The following GAS2 variants were observed in gnomAD, a reference collection of about 807,000 sequenced individuals.
The protein encoded by GAS2 is growth arrest-specific protein 2.
In GAS2, 20 loss-of-function variants were observed where a neutral mutation model predicts 37.5. The observed-to-expected ratio is 0.53, with a 90% CI of 0.37 to 0.77. The LOEUF is 0.77. Among genes scored for constraint, GAS2 ranks in the 30% least tolerant of loss-of-function variants. The pLI is 0.00. For synonymous variants in GAS2, 144 were observed against 132.2 expected, an observed-to-expected ratio of 1.09 and a Z score of -0.61; for missense variants, 336 against 373.4, an observed-to-expected ratio of 0.90 and a Z score of 0.82.
intron 7 of GAS2, among the ~76,000 whole-genome samples, chr11:22,758,281 T>C (rs1190500941): frequency 2.0e-5 from 3 of 152,226 alleles, no homozygotes; most frequent in African/African-American, 7.2e-5. Flanking sequence ...AGTGTCTTCA[T>C]TGCAGTTCTT....
chr11:22,726,434 G>A lies in GAS2; in HGVS notation c.409+1G>A, dbSNP rs1349943802. 1 of 1,609,434 alleles carries A rather than the reference G, an allele frequency of 6.2e-7. No individual in the cohort carries two copies. The highest frequency in any genetic ancestry group is 8.5e-7 in the Non-Finnish European group (1 of 1,177,628). ...TGTCTATTTGAATCGGAAGGTTTGG[G>A]TATGTATTAACTTCAGAATTTTAGT... is the stretch of plus-strand genomic sequence containing the variant. On this transcript the variant is annotated splice_donor_variant, in intron 4 of 7. Transcript: ENST00000454584. LOFTEE classifies it high-confidence loss of function.
rs187791977 is a variant in GAS2 at position 22,782,900 on chromosome 11, A to G, written c.723+26947A>G. Among the ~76,000 whole-genome samples the G allele has an allele frequency of 7.9e-5, 12 of 152,036 alleles. No individual in the cohort carries two copies. The East Asian group carries it at 1.9e-3, about 25-fold the overall frequency. On this transcript the variant is annotated intron_variant, in intron 7 of 7. Transcript: ENST00000454584. ...CTTTGCTCTTGTGAATAGTGCTGCAATGAACATACACATGCATGTGTTCCT... is the reference window on the plus strand; with the variant it reads ...CTTTGCTCTTGTGAATAGTGCTGCAGTGAACATACACATGCATGTGTTCCT...
intron 1 of GAS2, among the ~76,000 whole-genome samples, chr11:22,632,673 C>T (rs770253807): frequency 3.3e-5 from 5 of 152,066 alleles, no homozygotes; most frequent in Non-Finnish European, 2.9e-5. Context: ...TTTTTCTTCC[C>T]ACTCAGGAGC....
intron 1 of GAS2, among the ~76,000 whole-genome samples, chr11:22,652,307 A>C (rs1217862647): frequency 6.6e-6 from 1 of 152,066 alleles, no homozygotes; most frequent in African/African-American, 2.4e-5. Context: ...TGCTGGGAAA[A>C]CCACTGCTCT....
intron 7 of GAS2, among the ~76,000 whole-genome samples, chr11:22,782,464 T>G (rs1341166877): frequency 2.0e-5 from 3 of 152,146 alleles, no homozygotes; most frequent in African/African-American, 7.2e-5. Flanking sequence ...GTTACAAAGC[T>G]ATATTGCCCA....
chr11:22,770,391 A>C (rs1187404332), intron 7 of GAS2, among the ~76,000 whole-genome samples: 1 of 152,222 alleles, frequency 6.6e-6, no homozygotes, highest in African/African-American at 2.4e-5. Flanking sequence ...GACAGGAAGC[A>C]AGGGGCCAAC....
At chr11:22,741,867 A>G (rs1853103245) in intron 5 of GAS2, among the ~76,000 whole-genome samples, 1 of 152,188 alleles carries the variant, frequency 6.6e-6, no homozygotes, top group South Asian at 2.1e-4. Flanking sequence ...TGCCTTAAAA[A>G]GGACAGTTTC....
chr11:22,739,431 G>A (rs756861035), intron 5 of GAS2, among the ~76,000 whole-genome samples: 4 of 151,728 alleles, frequency 2.6e-5, no homozygotes, highest in African/African-American at 4.8e-5. Context: ...AAAATTAGCC[G>A]GGTGTGGTGG....
intron 7 of GAS2, among the ~76,000 whole-genome samples, chr11:22,811,191 T>C (rs1857143897): frequency 6.6e-6 from 1 of 152,148 alleles, no homozygotes; most frequent in Admixed American, 6.6e-5. Flanking sequence ...TTGTTTGTTT[T>C]AAAAGACATA....
chr11:22,658,471 A>G (rs529873961), intron 1 of GAS2, among the ~76,000 whole-genome samples: 1 of 152,328 alleles, frequency 6.6e-6, no homozygotes, highest in South Asian at 2.1e-4. Context: ...TCCACTGAAC[A>G]TGAGACAAAA....
chr11:22,652,005 G>C (rs952513758), intron 1 of GAS2, among the ~76,000 whole-genome samples: 2 of 152,168 alleles, frequency 1.3e-5, no homozygotes, highest in South Asian at 4.1e-4. Context: ...CTGCTTTTTA[G>C]AGTTTCCAGT....
chr11:22,734,193 T>A (rs1461140706), intron 4 of GAS2, among the ~76,000 whole-genome samples: 1 of 151,746 alleles, frequency 6.6e-6, no homozygotes, highest in Non-Finnish European at 1.5e-5. Context: ...TGAACTCTAC[T>A]AAATTATTTT....
chr11:22,743,426 T>G (rs1020763284), intron 5 of GAS2, among the ~76,000 whole-genome samples: 4 of 152,130 alleles, frequency 2.6e-5, no homozygotes, highest in Non-Finnish European at 5.9e-5. Flanking sequence ...TGTCAGAGAC[T>G]ATACTGGGCA....
chr11:22,641,511 A>G (rs1388209350), intron 1 of GAS2, among the ~76,000 whole-genome samples: 2 of 148,362 alleles, frequency 1.3e-5, no homozygotes, highest in East Asian at 4.0e-4. Context: ...ACACCCCACG[A>G]CAGGCCCTTC....
chr11:22,665,540 T>G (rs1444520725), upstream of GAS2, among the ~76,000 whole-genome samples: 1 of 152,188 alleles, frequency 6.6e-6, no homozygotes, highest in Non-Finnish European at 1.5e-5. Flanking sequence ...TGTTTCTCCT[T>G]AAAATTAAGA....
intron 7 of GAS2, among the ~76,000 whole-genome samples, chr11:22,767,054 T>C (rs1444335364): frequency 6.6e-6 from 1 of 152,204 alleles, no homozygotes; most frequent in Non-Finnish European, 1.5e-5. Flanking sequence ...ACATTTTTTC[T>C]TAACTGTTTT....
At chr11:22,724,104 A>G (rs528754442) in intron 3 of GAS2, among the ~76,000 whole-genome samples, 1 of 151,898 alleles carries the variant, frequency 6.6e-6, no homozygotes, top group South Asian at 2.1e-4. Flanking sequence ...ATGTATCACA[A>G]CATATTTACC....
intron 7 of GAS2, among the ~76,000 whole-genome samples, chr11:22,789,303 T>TATATATATATATATATACACACAC (rs1350750428): frequency 1.8e-5 from 2 of 111,118 alleles, no homozygotes; most frequent in African/African-American, 7.5e-5. Flanking sequence ...TATATATATA[T>TATATATATATATATATACACACAC]ACACACACAC....
intron 7 of GAS2, among the ~76,000 whole-genome samples, chr11:22,763,838 ATAT>A (rs368398111): frequency 6.6e-6 from 1 of 152,194 alleles, no homozygotes; most frequent in South Asian, 2.1e-4. Context: ...CAATACATGA[ATAT>A]TTCCAAACTC....
Sources: gnomAD v4.1 joint callset for allele counts (sites outside exome capture counted in the v4.1 genomes callset) on GRCh38, gnomAD v4.1.1 for gene constraint, MANE v1.5 for transcripts, NCBI Gene and HGNC (gene_info 2026-07-23, HGNC 2026-07-21) for gene names.